The following ZNF541 variants were observed in gnomAD, a reference collection of about 807,000 sequenced individuals.
ZNF541 encodes zinc finger protein 541.
A neutral mutation model predicts 123.5 loss-of-function variants in ZNF541; 23 were observed. The ratio of observed to expected loss-of-function variants is 0.19; its 90% CI spans 0.13 to 0.26. The LOEUF (loss-of-function observed/expected upper bound fraction) is 0.26. Among genes scored for constraint, ZNF541 ranks in the 10% least tolerant of loss-of-function variants. The pLI is 1.00. For missense variants in ZNF541, 1,612 were observed against 1,789.9 expected, an observed-to-expected ratio of 0.90 and a Z score of 1.79; for synonymous variants, 751 against 754.5, an observed-to-expected ratio of 1.00 and a Z score of 0.08.
chr19:47,526,800 C>T (rs539121916), intron 14 of ZNF541, among the ~76,000 whole-genome samples: 21 of 152,198 alleles, frequency 1.4e-4, no homozygotes, highest in Non-Finnish European at 2.4e-4. Context: ...GTTAAGCATA[C>T]ACCTACTAAG....
chr19:47,529,476 G>T, intron 13 of ZNF541, 101 bp downstream of exon 13: 1 of 1,242,316 alleles, frequency 8.0e-7, no homozygotes, highest in Non-Finnish European at 1.1e-6. Context: ...CAAAGGTCCC[G>T]AGGAGAACTC....
intron 14 of ZNF541, 126 bp from the exon 15 acceptor site, chr19:47,522,120 AC>A: frequency 8.0e-7 from 1 of 1,248,202 alleles, no homozygotes; most frequent in Non-Finnish European, 1.1e-6. Flanking sequence ...GCTTGGCGTT[AC>A]CACTCACCAC....
chr19:47,549,436 C>T lies in ZNF541; in HGVS notation c.357G>A (p.Arg119=), dbSNP rs1210675876. The T allele has an allele frequency of 6.4e-7, 1 of 1,551,634 alleles. No homozygotes were observed. The highest frequency in any genetic ancestry group is 8.7e-7 in the Non-Finnish European group (1 of 1,146,978). Residue 119 remains arginine (R), a synonymous_variant, in exon 4 of 17, where the codon AGG becomes AGA. Transcript: ENST00000391901. ...CTTTCCTGGCACTCCCCGAGGTGGC[C>T]CTTCCTCCTTCGTCAGCCTCTTTAG... ...LKAKEADEGG[R]ATSGSARKGK...
At chr19:47,548,744 C>T (rs1970470239) in intron 4 of ZNF541, among the ~76,000 whole-genome samples, 1 of 152,158 alleles carries the variant, frequency 6.6e-6, no homozygotes, top group Non-Finnish European at 1.5e-5. Context: ...GCTGGGACAG[C>T]AGCGCCCACT....
At chr19:47,531,964 G>A (rs1255968925) in intron 11 of ZNF541, among the ~76,000 whole-genome samples, 164 bp downstream of exon 11, 1 of 152,152 alleles carries the variant, frequency 6.6e-6, no homozygotes, top group African/African-American at 2.4e-5. Flanking sequence ...GAGGGAGAGT[G>A]CAGCAGGGAA....
chr19:47,562,350 C>T (rs1363448673), intron 2 of ZNF541, among the ~76,000 whole-genome samples: 1 of 152,104 alleles, frequency 6.6e-6, no homozygotes, highest in Non-Finnish European at 1.5e-5. Context: ...TCAAGACCAG[C>T]CTGGCCAACA....
At chr19:47,534,801 T>G (rs1028558685) in intron 9 of ZNF541, among the ~76,000 whole-genome samples, 1 of 152,184 alleles carries the variant, frequency 6.6e-6, no homozygotes, top group African/African-American at 2.4e-5. Flanking sequence ...TCAATTGATT[T>G]CTAACAATGA....
At chr19:47,522,099 C>A in intron 14 of ZNF541, 105 bp from the exon 15 acceptor site, 1 of 1,435,740 alleles carries the variant, frequency 7.0e-7, no homozygotes, top group South Asian at 1.3e-5. Context: ...CCGGAAGCAC[C>A]TCTTCCTTTG....
chr19:47,555,189 G>A (rs1382281990), intron 3 of ZNF541, among the ~76,000 whole-genome samples: 2 of 150,550 alleles, frequency 1.3e-5, no homozygotes, highest in Admixed American at 6.7e-5. Flanking sequence ...CTAATGCAGT[G>A]AAACTCCGTT....
rs1434092540 is a variant in ZNF541, at chr19:47,560,088, C to T, written c.-98-4134G>A. ...CTGAAAGCCCAATGCAAAGATCTTG[C>T]CTTTTTTTGTACCTAACTGGCAGCT... is the stretch of plus-strand genomic sequence containing the variant. On this transcript the variant is annotated intron_variant, in intron 2 of 16. Coordinates refer to ENST00000391901, the MANE Select transcript of ZNF541 (RefSeq NM_001277075.3). Among the ~76,000 whole-genome samples, 3 of 152,062 alleles carry T rather than the reference C, an allele frequency of 2.0e-5. No homozygotes were observed. In the South Asian group the frequency reaches 6.2e-4, roughly 32 times the overall value.
At chr19:47,538,464 G>T in intron 8 of ZNF541, 25 bp from the exon 9 acceptor site, 1 of 1,467,844 alleles carries the variant, frequency 6.8e-7, no homozygotes, top group Non-Finnish European at 9.0e-7. Context: ...AACCACAGGT[G>T]GTCGCCTGAA....
chr19:47,532,900 C>A lies in ZNF541; in HGVS notation c.3158+9G>T, dbSNP rs1343404522. 6.5e-7 allele frequency: 1 copy of A among 1,549,442 alleles called. No individual in the cohort carries two copies. Among genetic ancestry groups the A allele is most frequent in the East Asian group, 2.5e-5 (1 of 40,736 alleles). On this transcript the variant is annotated intron_variant, in intron 10 of 16. Coordinates refer to ENST00000391901, the MANE Select transcript of ZNF541 (RefSeq NM_001277075.3). ...TAAAAGCAGCTTCACTGGAAAGGAC[C>A]CAACTTACGGCTCAATGCTGATTTT...
intron 5 of ZNF541, among the ~76,000 whole-genome samples, chr19:47,543,718 G>A: frequency 6.6e-6 from 1 of 150,640 alleles, no homozygotes; most frequent in South Asian, 2.1e-4. Flanking sequence ...TCAGCTCACT[G>A]AAACCTCCAT....
chr19:47,533,655 C>T (rs988409907), intron 9 of ZNF541, among the ~76,000 whole-genome samples: 2 of 151,740 alleles, frequency 1.3e-5, no homozygotes, highest in African/African-American at 4.8e-5. Flanking sequence ...CCAGCCTGGC[C>T]AACATGGCAA....
chr19:47,529,310 A>T (rs918026831), intron 13 of ZNF541, among the ~76,000 whole-genome samples: 2 of 152,156 alleles, frequency 1.3e-5, no homozygotes, highest in Non-Finnish European at 2.9e-5. Context: ...CACTGAACCT[A>T]AGCCCATCTT....
At chr19:47,523,320 G>T (rs535449743) in intron 14 of ZNF541, among the ~76,000 whole-genome samples, 1 of 133,458 alleles carries the variant, frequency 7.5e-6, no homozygotes, top group Non-Finnish European at 1.5e-5. Flanking sequence ...GAGCCACCGC[G>T]CCCGGCGAGC....
chr19:47,529,665 G>A lies in ZNF541; in HGVS notation c.3406-13C>T, dbSNP rs1198035857. ...TCTCCAGGGCGACCTGGAACAAGAG[G>A]AGCGACAGGCTGCCCAGGACCAGGT... On this transcript the variant is annotated splice_polypyrimidine_tract_variant and intron_variant, in intron 12 of 16. Transcript: ENST00000391901. The A allele has an allele frequency of 3.9e-6, 6 of 1,551,414 alleles. No homozygotes were observed. The highest frequency in any genetic ancestry group is 2.4e-5 in the East Asian group (1 of 40,916).
chr19:47,522,744 CTTTTT>C (rs35868495), intron 14 of ZNF541, among the ~76,000 whole-genome samples: 3 of 112,446 alleles, frequency 2.7e-5, no homozygotes, highest in East Asian at 2.4e-4. Flanking sequence ...TGCAGTGAGC[CTTTTT>C]TTTTTTTTTT....
At position 47,545,162 on chromosome 19, in the gene ZNF541, G is replaced by A. The variant is rs554594529; in HGVS notation, c.1367C>T (p.Pro456Leu). 6.0e-6 allele frequency: 9 copies of A among 1,496,522 alleles called. No homozygotes were observed. In the South Asian group the frequency reaches 9.0e-5, roughly 15 times the overall value. 92.7% of individuals were successfully genotyped at this position (1,496,522 alleles called of 1,614,324 possible). ...ESGPGPSSGS[P>L]SEESPPGPGG... Reference sequence around the variant, plus strand: ...GGGGCCGGGCGGGGACTCCTCCGAGGGGCTTCCGCTGCTGGGTCCCGGGCC... The same window carrying A: ...GGGGCCGGGCGGGGACTCCTCCGAGAGGCTTCCGCTGCTGGGTCCCGGGCC... The change falls in exon 5 of 17, where the codon CCC (proline) becomes CTC (leucine). Residue 456 changes from proline to leucine, a missense_variant. By Grantham distance (98) the Pro-to-Leu change is moderately conservative. Around this residue, in one of 5 missense-constraint regions of ZNF541, gnomAD observed 1,080 missense variants for 1,013.8 expected, o/e 1.07. Transcript: ENST00000391901. This position sits in a 1 kb window ranked among gnomAD's most constrained non-coding sequence, Gnocchi z 7.5.
Sources: gnomAD v4.1 joint callset for allele counts (sites outside exome capture counted in the v4.1 genomes callset) on GRCh38, gnomAD v4.1.1 for gene constraint, gnomAD v4.1.1 regional missense constraint, Gnocchi (gnomAD v3.1) non-coding constraint, MANE v1.5 for transcripts, NCBI Gene and HGNC (gene_info 2026-07-23, HGNC 2026-07-21) for gene names.